NPAS3: variants seen among roughly 807,000 people sequenced by gnomAD.
NPAS3 encodes neuronal PAS domain-containing protein 3.
A neutral mutation model predicts 73.1 loss-of-function variants in NPAS3; 14 were observed. The observed-to-expected ratio is 0.19, with a 90% CI of 0.13 to 0.30. The LOEUF is 0.30. Ranked by LOEUF, NPAS3 falls within the 10% of genes least tolerant of loss-of-function variation. The probability of loss-of-function intolerance (pLI) is 1.00; values close to 1 mark genes in which losing one functional copy is unlikely to be tolerated. For synonymous variants in NPAS3, 620 were observed against 541.5 expected (o/e 1.14, Z -2.01); for missense variants, 1,096 against 1,250.0 (o/e 0.88, Z 1.86).
chr14:33,535,104 C>T (rs1288269112), intron 4 of NPAS3, among the ~76,000 whole-genome samples: 4 of 152,108 alleles, frequency 2.6e-5, no homozygotes, highest in Admixed American at 2.6e-4. Flanking sequence ...CTGTTTGAGC[C>T]TTTATCATAG....
rs184838800 is a variant in NPAS3, at chr14:33,099,416, G to A, written c.140+43422G>A. Among the ~76,000 whole-genome samples the A allele has an allele frequency of 2.0e-3, 307 of 152,044 alleles. 1 individual carries two copies. Among genetic ancestry groups the A allele is most frequent in the African/African-American group, 7.0e-3 (290 of 41,476 alleles). Reference sequence around the variant, plus strand: ...CCAAGGACTAGAGGATCCATTCCATGGACTCTATGAATCTCAGGTTCAGAA... The same window carrying A: ...CCAAGGACTAGAGGATCCATTCCATAGACTCTATGAATCTCAGGTTCAGAA... On this transcript the variant is annotated intron_variant, in intron 2 of 11. Transcript: ENST00000356141.
At chr14:33,422,950 G>A (rs2048414088) in intron 4 of NPAS3, among the ~76,000 whole-genome samples, 1 of 151,912 alleles carries the variant, frequency 6.6e-6, no homozygotes, top group Non-Finnish European at 1.5e-5. Flanking sequence ...TAATGATCAG[G>A]TCACTTAGTT....
chr14:33,370,503 G>A (rs187487327), intron 4 of NPAS3, among the ~76,000 whole-genome samples: 406 of 152,182 alleles, frequency 2.7e-3, no homozygotes, highest in African/African-American at 8.9e-3. Flanking sequence ...GATTATAGGA[G>A]CCATATTACC....
intron 4 of NPAS3, 33 bp from the exon 5 acceptor site, chr14:33,560,088 A>T: frequency 1.3e-6 from 1 of 779,100 alleles, no homozygotes; most frequent in Non-Finnish European, 2.2e-6. Context: ...TGTATTTATT[A>T]ATCTATTTAT....
chr14:33,340,443 C>A lies in NPAS3; in HGVS notation c.386-26743C>A, dbSNP rs1226092834. On this transcript the variant is annotated intron_variant, in intron 3 of 11. Coordinates refer to ENST00000356141, the Ensembl canonical transcript of NPAS3. The stretch of plus-strand genomic sequence containing the variant: ...CTGGGAGGCAGAGGTTGCAGTGAGC[C>A]GAGATCGTGCCACTGCACTCCAGCC... Among the ~76,000 whole-genome samples the A allele has an allele frequency of 3.3e-5, 5 of 152,238 alleles. No homozygotes were observed. In the East Asian group the frequency reaches 9.7e-4, roughly 29 times the overall value.
intron 1 of NPAS3, among the ~76,000 whole-genome samples, chr14:32,977,700 C>G (rs2037744770): frequency 1.0e-5 from 1 of 100,434 alleles, no homozygotes; most frequent in Non-Finnish European, 2.9e-5. Context: ...CCACTGCGCT[C>G]CAGCCTGGGT....
chr14:33,112,953 G>A (rs1273863895), intron 2 of NPAS3, among the ~76,000 whole-genome samples: 1 of 152,062 alleles, frequency 6.6e-6, no homozygotes, highest in Non-Finnish European at 1.5e-5. Flanking sequence ...TTTTTGTCAG[G>A]TTTGTCAAAG....
chr14:33,077,261 G>A (rs138447247), intron 2 of NPAS3, among the ~76,000 whole-genome samples: 4 of 152,252 alleles, frequency 2.6e-5, no homozygotes, highest in African/African-American at 4.8e-5. Flanking sequence ...AGGTCTTGCT[G>A]AAAGGGTGAC....
chr14:33,154,897 A>G (rs1958011), intron 2 of NPAS3, among the ~76,000 whole-genome samples: 54,357 of 152,102 alleles, frequency 0.36, 10,013 homozygotes, highest in Middle Eastern at 0.49. Context: ...TTCTACCTAG[A>G]GTTTTACTTT....
At chr14:33,622,598 A>G (rs1461280680) in intron 5 of NPAS3, among the ~76,000 whole-genome samples, 1 of 152,236 alleles carries the variant, frequency 6.6e-6, no homozygotes, top group Non-Finnish European at 1.5e-5. Flanking sequence ...AGCATTAATC[A>G]CAATTTTAGA....
At chr14:32,949,182 G>A (rs1297464822) in intron 1 of NPAS3, among the ~76,000 whole-genome samples, 1 of 151,940 alleles carries the variant, frequency 6.6e-6, no homozygotes, top group East Asian at 1.9e-4. Context: ...TTTCCAGACA[G>A]GGACACTAAG....
chr14:33,242,896 T>C (rs2048256348), intron 3 of NPAS3, among the ~76,000 whole-genome samples: 1 of 152,254 alleles, frequency 6.6e-6, no homozygotes, highest in East Asian at 1.9e-4. Context: ...TAAAATATTT[T>C]CTTTGAGTAA....
intron 3 of NPAS3, among the ~76,000 whole-genome samples, chr14:33,234,149 C>T (rs969299408): frequency 6.6e-6 from 1 of 151,996 alleles, no homozygotes; most frequent in Non-Finnish European, 1.5e-5. Context: ...GTTTTTCCCC[C>T]AAAATTTTGT....
At chr14:33,249,341 C>T (rs984042135) in intron 3 of NPAS3, among the ~76,000 whole-genome samples, 1 of 58,418 alleles carries the variant, frequency 1.7e-5, no homozygotes. Flanking sequence ...TAATTCCCGT[C>T]CCCCCCACCT....
At chr14:33,672,839 A>G (rs2059650415) in intron 5 of NPAS3, among the ~76,000 whole-genome samples, 1 of 152,226 alleles carries the variant, frequency 6.6e-6, no homozygotes, top group Non-Finnish European at 1.5e-5. Context: ...TCGGGACTGT[A>G]GGGCTTTTTC....
intron 4 of NPAS3, among the ~76,000 whole-genome samples, chr14:33,460,676 G>T (rs1428405302): frequency 6.6e-6 from 1 of 152,082 alleles, no homozygotes; most frequent in Non-Finnish European, 1.5e-5. Flanking sequence ...TTTGCAAATT[G>T]ATTCTTCTAC....
chr14:33,025,756 A>G (rs2039779130), intron 1 of NPAS3, among the ~76,000 whole-genome samples: 1 of 152,154 alleles, frequency 6.6e-6, no homozygotes, highest in African/African-American at 2.4e-5. Flanking sequence ...CCTGCTAGCC[A>G]TATGAAGAAG....
intron 4 of NPAS3, among the ~76,000 whole-genome samples, chr14:33,487,823 C>T (rs992425739): frequency 2.0e-5 from 3 of 152,054 alleles, no homozygotes; most frequent in East Asian, 1.9e-4. Flanking sequence ...GAACCAAGTA[C>T]GTGTTATTTT....
intron 6 of NPAS3, among the ~76,000 whole-genome samples, chr14:33,710,169 T>G (rs1296517664): frequency 6.6e-6 from 1 of 152,196 alleles, no homozygotes; most frequent in East Asian, 1.9e-4. Context: ...ATGTAACAAC[T>G]TTCAGACTTT....
Sources: gnomAD v4.1 joint callset for allele counts (sites outside exome capture counted in the v4.1 genomes callset) on GRCh38, gnomAD v4.1.1 for gene constraint, MANE v1.5 for transcripts, NCBI Gene and HGNC (gene_info 2026-07-23, HGNC 2026-07-21) for gene names.